Variants in MOB1B observed in about 807,000 individuals in gnomAD.
The protein encoded by MOB1B is MOB kinase activator 1B.
A neutral mutation model predicts 24.4 loss-of-function variants in MOB1B; 19 were observed. The ratio of observed to expected loss-of-function variants is 0.78; its 90% confidence interval spans 0.54 to 1.14. The LOEUF is 1.14. MOB1B is among the 50% of genes most tolerant of loss of function. The probability of loss-of-function intolerance (pLI) is 0.00; values close to 1 mark genes in which losing one functional copy is unlikely to be tolerated. For synonymous variants in MOB1B, 76 were observed against 82.1 expected (o/e 0.93, Z 0.40); for missense variants, 243 against 259.6 (o/e 0.94, Z 0.44).
In MOB1B at chr4:70,986,768, A is replaced by G. The variant is rs1473126875; in HGVS notation, c.*4711A>G. ...AATGTTTAGCAGTAAAGCTATCTTA[A>G]GATTTAATGGAAAAGTTTAATTTGA... On this transcript the variant is annotated 3_prime_UTR_variant, in exon 6 of 6. Coordinates refer to ENST00000309395, the MANE Select transcript of MOB1B (RefSeq NM_173468.4). 1.3e-5 allele frequency: 2 copies of G among 152,188 alleles called. No homozygotes were observed. The highest frequency in any genetic ancestry group is 2.9e-5 in the Non-Finnish European group (2 of 68,006). 9.4% of individuals were successfully genotyped at this position (152,188 alleles called of 1,614,324 possible).
chr4:70,930,638 A>G (rs769463178), intron 1 of MOB1B, among the ~76,000 whole-genome samples: 48 of 152,228 alleles, frequency 3.2e-4, no homozygotes, highest in Non-Finnish European at 6.3e-4. Flanking sequence ...AATACTGTGC[A>G]TGATTGTATG....
chr4:70,957,203 C>T (rs1258405639), intron 1 of MOB1B, among the ~76,000 whole-genome samples: 4 of 134,726 alleles, frequency 3.0e-5, no homozygotes, highest in Admixed American at 8.4e-5. Flanking sequence ...TCCCACTTCT[C>T]GAGCTGAGAT....
intron 1 of MOB1B, among the ~76,000 whole-genome samples, chr4:70,909,107 T>TTGTA (rs112252023): frequency 0.042 from 6,358 of 151,902 alleles, 441 homozygotes; most frequent in African/African-American, 0.14. Context: ...AGTGCAATGT[T>TTGTA]TGTGTCTGTC....
At position 70,958,992 on chromosome 4, in the gene MOB1B, G is replaced by C; in HGVS notation, c.133G>C (p.Val45Leu). The stretch of plus-strand genomic sequence containing the variant: ...TGGCAGTGGCAACCTTCGGATGGCT[G>C]TCATGCTTCCTGAAGGGGAAGATCT... The part of the protein sequence containing the change: ...TLGSGNLRMA[V>L]MLPEGEDLNE... Residue 45 changes from valine to leucine, a missense_variant, in exon 2 of 6, where the codon GTC becomes CTC. By Grantham distance (32) the Val-to-Leu change is conservative. Coordinates refer to ENST00000309395, the MANE Select transcript of MOB1B (RefSeq NM_173468.4). 6.2e-7 allele frequency: 1 copy of C among 1,614,174 alleles called. No homozygotes were observed. Among genetic ancestry groups the C allele is most frequent in the Non-Finnish European group, 8.5e-7 (1 of 1,180,024 alleles).
intron 1 of MOB1B, among the ~76,000 whole-genome samples, chr4:70,929,545 AC>A (rs1560638483): frequency 6.6e-6 from 1 of 151,990 alleles, no homozygotes; most frequent in African/African-American, 2.4e-5. Flanking sequence ...CAGTGGCCCA[AC>A]AACTGCTTAT....
intron 1 of MOB1B, among the ~76,000 whole-genome samples, chr4:70,925,124 A>C (rs563518806): frequency 6.6e-6 from 1 of 152,014 alleles, no homozygotes; most frequent in South Asian, 2.1e-4. Flanking sequence ...GCTCACTGCA[A>C]CCTCCACCTC....
At chr4:70,930,479 C>T (rs967151022) in intron 1 of MOB1B, among the ~76,000 whole-genome samples, 1 of 152,098 alleles carries the variant, frequency 6.6e-6, no homozygotes, top group Non-Finnish European at 1.5e-5. Context: ...TATGAGTAAA[C>T]AGTCGTGTCC....
At chr4:70,938,539 A>G (rs1018257902) in intron 1 of MOB1B, among the ~76,000 whole-genome samples, 1 of 152,016 alleles carries the variant, frequency 6.6e-6, no homozygotes, top group African/African-American at 2.4e-5. Flanking sequence ...TCTCCATAGA[A>G]TAAACCTTTA....
chr4:70,907,491 A>C (rs993934032), intron 1 of MOB1B, among the ~76,000 whole-genome samples: 20 of 152,144 alleles, frequency 1.3e-4, no homozygotes, highest in Non-Finnish European at 1.8e-4. Context: ...ACTTATTTGG[A>C]ACGGAGTTAA....
chr4:70,921,624 T>C (rs1736443807), intron 1 of MOB1B, among the ~76,000 whole-genome samples: 1 of 151,702 alleles, frequency 6.6e-6, no homozygotes, highest in South Asian at 2.1e-4. Context: ...TTCTCTTGCC[T>C]CAGGCTCCCC....
upstream of MOB1B, chr4:70,902,196 G>A (rs898573585): frequency 1.3e-5 from 6 of 471,752 alleles, no homozygotes. Context: ...GAGTCCCCAT[G>A]CCGCAGCCGG....
chr4:70,941,631 G>A (rs558461959), intron 1 of MOB1B, among the ~76,000 whole-genome samples: 4 of 152,228 alleles, frequency 2.6e-5, no homozygotes, highest in South Asian at 4.1e-4. Flanking sequence ...GTGAGCTACC[G>A]TGCCCAGTCA....
chr4:70,908,358 A>G (rs894427070), intron 1 of MOB1B, among the ~76,000 whole-genome samples: 3 of 150,364 alleles, frequency 2.0e-5, no homozygotes, highest in African/African-American at 4.9e-5. Context: ...AATGTCAACA[A>G]TGAAAGCTGA....
intron 3 of MOB1B, among the ~76,000 whole-genome samples, chr4:70,972,736 CTA>C (rs1360810541): frequency 1.3e-5 from 2 of 151,916 alleles, no homozygotes; most frequent in East Asian, 3.8e-4. Context: ...GTTGTAAACT[CTA>C]AAGGTCTAAG....
intron 1 of MOB1B, among the ~76,000 whole-genome samples, chr4:70,954,069 A>C (rs1396499362): frequency 6.6e-6 from 1 of 152,130 alleles, no homozygotes; most frequent in Non-Finnish European, 1.5e-5. Flanking sequence ...CCCCCAAAAA[A>C]AGAAACCCAG....
rs1215133919 is a variant in MOB1B, at chr4:70,986,416, C to T, written c.*4359C>T. 6.6e-6 allele frequency: 1 copy of T among 151,738 alleles called. No homozygotes were observed. Among genetic ancestry groups the T allele is most frequent in the Non-Finnish European group, 1.5e-5 (1 of 67,942 alleles). 9.4% of individuals were successfully genotyped at this position (151,738 alleles called of 1,614,324 possible). ...TCACAAAATATTTAGAATTGTATAACCTTTTCATATATTTATAACTTTTAA... is the reference window on the plus strand; with the variant it reads ...TCACAAAATATTTAGAATTGTATAATCTTTTCATATATTTATAACTTTTAA... On this transcript the variant is annotated 3_prime_UTR_variant, in exon 6 of 6. Transcript: ENST00000309395.
Position 70,964,061 on chromosome 4 carries a change from A to G in MOB1B, c.181+5021A>G, listed in dbSNP as rs1051584524. Among the ~76,000 whole-genome samples the G allele has an allele frequency of 3.9e-5, 6 of 152,374 alleles. No homozygotes were observed. In the East Asian group the frequency reaches 7.7e-4, roughly 20 times the overall value. On this transcript the variant is annotated intron_variant, in intron 2 of 5. Transcript: ENST00000309395. The stretch of plus-strand genomic sequence containing the variant: ...ATATTTTAAAATGATAACTGGTTCA[A>G]TTCCCAAATAGTATATAAAATTCTG...
rs1739371991 is a variant in MOB1B at position 70,986,097 on chromosome 4, A to C, written c.*4040A>C. ...CCTTAGTTAGATATACTAATGGAAA[A>C]AAACCAAGTCCTTTCTCTAGAACTT... On this transcript the variant is annotated 3_prime_UTR_variant, in exon 6 of 6. Transcript: ENST00000309395. 6.6e-6 allele frequency: 1 copy of C among 152,212 alleles called. No individual in the cohort carries two copies. Among genetic ancestry groups the C allele is most frequent in the African/African-American group, 2.4e-5 (1 of 41,466 alleles). The allele number at this position is 152,212 out of a possible 1,614,324, so 9.4% of individuals were successfully genotyped here.
intron 4 of MOB1B, chr4:70,975,503 A>C (rs1448348220): frequency 4.9e-6 from 6 of 1,227,520 alleles, no homozygotes; most frequent in Admixed American, 4.1e-5. Flanking sequence ...TTTCCCCTTT[A>C]ACTTAGTGCT....
Sources: allele counts gnomAD v4.1 joint callset (sites outside exome capture counted in the v4.1 genomes callset), GRCh38; gene constraint gnomAD v4.1.1; transcripts MANE v1.5; gene names NCBI Gene and HGNC (gene_info 2026-07-23, HGNC 2026-07-21).